SUCO: variants seen among roughly 807,000 people sequenced by gnomAD.
SUCO encodes the protein SUN domain containing ossification factor, also known as SUN domain-containing ossification factor.
A neutral mutation model predicts 148.1 loss-of-function variants in SUCO; 57 were observed. The ratio of observed to expected loss-of-function variants is 0.38; its 90% confidence interval spans 0.31 to 0.48. The LOEUF (loss-of-function observed/expected upper bound fraction) is 0.48, where lower values mean the gene tolerates loss of function less well. Among genes scored for constraint, SUCO ranks in the 20% least tolerant of loss-of-function variants. The probability of loss-of-function intolerance (pLI) is 0.96; values close to 1 mark genes in which losing one functional copy is unlikely to be tolerated. For missense variants in SUCO, 1,331 were observed against 1,468.2 expected, an observed-to-expected ratio of 0.91 and a Z score of 1.53; for synonymous variants, 470 against 502.7, an observed-to-expected ratio of 0.93 and a Z score of 0.87.
Position 172,578,354 on chromosome 1 carries a change from A to T in SUCO, c.1397A>T (p.His466Leu). ...EYEEIADSQY[H>L]SERQELFDED... The stretch of plus-strand genomic sequence containing the variant: ...GAAGAAATTGCTGATTCCCAGTATC[A>T]CTCAGAACGCCAGGAACTATTTGAT... Residue 466 changes from histidine (H) to leucine (L), a missense_variant, in exon 14 of 24, where the codon CAC (histidine) becomes CTC (leucine). His to Leu is a moderately conservative substitution (Grantham distance 99, BLOSUM62 -3). This residue lies in a region of SUCO where 992 missense variants were observed against 1,093.5 expected (regional missense o/e 0.91). Coordinates refer to ENST00000263688, the MANE Select transcript of SUCO (RefSeq NM_014283.5). 1 of 1,612,722 alleles carries T rather than the reference A, an allele frequency of 6.2e-7. No homozygotes were observed. Among genetic ancestry groups the T allele is most frequent in the Non-Finnish European group, 8.5e-7 (1 of 1,178,880 alleles).
intron 14 of SUCO, 36 bp from the exon 15 acceptor site, chr1:172,579,166 T>C: frequency 8.3e-7 from 1 of 1,200,336 alleles, no homozygotes. Context: ...TGGAGCTAGA[T>C]CTCAGCATAA....
chr1:172,555,891 G>C lies in SUCO; in HGVS notation c.311G>C (p.Ser104Thr). 1 of 1,610,972 alleles carries C rather than the reference G, an allele frequency of 6.2e-7. No homozygotes were observed. Among genetic ancestry groups the C allele is most frequent in the Non-Finnish European group, 8.5e-7 (1 of 1,178,030 alleles). ...DVQNTESKKLSPPVVETLPTV... is the reference protein window; with the variant it reads ...DVQNTESKKLTPPVVETLPTV... ...CAGAATACAGAGTCAAAAAAGTTAA[G>C]TCCACCGGTGGTGGAGACACTCCCT... The change falls in exon 4 of 24, where the codon AGT becomes ACT. Residue 104 changes from serine (S) to threonine (T), a missense_variant. Ser to Thr is a moderately conservative substitution (Grantham distance 58, BLOSUM62 1). Transcript: ENST00000263688.
At chr1:172,578,522 C>A in intron 14 of SUCO, 133 bp downstream of exon 14, 1 of 1,375,102 alleles carries the variant, frequency 7.3e-7, no homozygotes, top group Non-Finnish European at 9.4e-7. Flanking sequence ...TTGTTTTTAA[C>A]TCTAATCAAC....
At chr1:172,556,466 T>G (rs1404200113) in intron 4 of SUCO, 10 of 279,182 alleles carry the variant, frequency 3.6e-5, no homozygotes, top group East Asian at 3.5e-4. Context: ...GTGTTTAGGT[T>G]TAAGTGATCC....
At chr1:172,532,603 A>G (rs1399707519), upstream of SUCO, 2 of 1,613,866 alleles carry the variant, frequency 1.2e-6, no homozygotes, top group Non-Finnish European at 1.7e-6. Context: ...AGGCCATTCC[A>G]CGAACTGTGC....
At chr1:172,574,797 G>A in intron 10 of SUCO, 2 of 630,156 alleles carry the variant, frequency 3.2e-6, no homozygotes, top group African/African-American at 4.0e-5. Context: ...GTTTTCCTTG[G>A]TGTTTCTTCC....
chr1:172,552,767 A>C (rs1196172996), intron 2 of SUCO: 4 of 329,934 alleles, frequency 1.2e-5, no homozygotes, highest in Non-Finnish European at 1.7e-5. Context: ...TAAGCAAAGC[A>C]TTAAGGGGGA....
intron 6 of SUCO, among the ~76,000 whole-genome samples, chr1:172,568,060 T>G (rs1654687337): frequency 6.6e-6 from 1 of 152,202 alleles, no homozygotes; most frequent in Admixed American, 6.5e-5. Flanking sequence ...ACTGCACATG[T>G]GAGGGATCTA....
intron 1 of SUCO, among the ~76,000 whole-genome samples, chr1:172,539,815 AT>A (rs1240667370): frequency 1.3e-5 from 2 of 152,196 alleles, no homozygotes; most frequent in Non-Finnish European, 2.9e-5. Context: ...GAATTTATAA[AT>A]CCACTTAAAT....
Position 172,588,750 on chromosome 1 carries a change from G to T in SUCO, c.1659-10G>T. The T allele has an allele frequency of 2.8e-6, 4 of 1,418,260 alleles. No individual in the cohort carries two copies. The highest frequency in any genetic ancestry group is 3.7e-6 in the Non-Finnish European group (4 of 1,078,008). 87.9% of individuals were successfully genotyped at this position (1,418,260 alleles called of 1,614,324 possible). ...TAAGTGATTTATAATTATGATATAT[G>T]TATTTCTAGGTATGTAACCACTGAA... On this transcript the variant is annotated splice_polypyrimidine_tract_variant and intron_variant, in intron 17 of 23. Coordinates refer to ENST00000263688, the MANE Select transcript of SUCO (RefSeq NM_014283.5).
rs777305110 is a variant in SUCO, at chr1:172,609,802, T to A, written c.3322-14T>A. On this transcript the variant is annotated splice_polypyrimidine_tract_variant and intron_variant, in intron 23 of 23. Transcript: ENST00000263688. ...GAAGTATCATTACTAACTTTTCTTT[T>A]ACTTGTGTTGTAGAAGAAGCGCTGC... 11 of 1,580,226 alleles carry A rather than the reference T, an allele frequency of 7.0e-6. No individual in the cohort carries two copies. The Admixed American group carries it at 2.1e-4, about 31-fold the overall frequency.
At chr1:172,593,184 T>C (rs1278806830) in intron 19 of SUCO, among the ~76,000 whole-genome samples, 1 of 152,230 alleles carries the variant, frequency 6.6e-6, no homozygotes, top group Admixed American at 6.5e-5. Context: ...GCTGAGATGA[T>C]GGGGTTTTCT....
In SUCO at chr1:172,607,251, G is replaced by A. The variant is rs1657919410; in HGVS notation, c.3266-1496G>A. Among the ~76,000 whole-genome samples the A allele has an allele frequency of 2.0e-5, 3 of 151,808 alleles. No homozygotes were observed. The South Asian group carries it at 6.2e-4, about 31-fold the overall frequency. On this transcript the variant is annotated intron_variant, in intron 22 of 23. Coordinates refer to ENST00000263688, the MANE Select transcript of SUCO (RefSeq NM_014283.5). ...AAGTTATTTGTAGGGATAATTTGAGGCCTAGAATATAGGTTCTTATTTGAG... is the reference window on the plus strand; with the variant it reads ...AAGTTATTTGTAGGGATAATTTGAGACCTAGAATATAGGTTCTTATTTGAG...
At chr1:172,545,340 T>TAAACTAA (rs1254170534) in intron 1 of SUCO, among the ~76,000 whole-genome samples, 2 of 152,188 alleles carry the variant, frequency 1.3e-5, no homozygotes, top group African/African-American at 4.8e-5. Flanking sequence ...AAAGTTTCAG[T>TAAACTAA]AGCTGTCAAC....
intron 6 of SUCO, among the ~76,000 whole-genome samples, chr1:172,559,521 C>T (rs1216483979): frequency 6.6e-6 from 1 of 152,150 alleles, no homozygotes; most frequent in Non-Finnish European, 1.5e-5. Context: ...TATTAAACAG[C>T]GACTTTAATT....
chr1:172,537,279 G>A (rs1351291011), intron 1 of SUCO, among the ~76,000 whole-genome samples: 1 of 151,942 alleles, frequency 6.6e-6, no homozygotes, highest in Non-Finnish European at 1.5e-5. Context: ...TAAGAAAAAT[G>A]AGAAAAAAAT....
rs1654486840 is a variant in SUCO at position 172,565,499 on chromosome 1, GCAGTCTATAA to G, written c.733-3519_733-3510del. Among the ~76,000 whole-genome samples the G allele has an allele frequency of 3.3e-5, 5 of 152,202 alleles. No homozygotes were observed. In the South Asian group the frequency reaches 1.0e-3, roughly 31 times the overall value. On this transcript the variant is annotated intron_variant, in intron 6 of 23. Coordinates refer to ENST00000263688, the MANE Select transcript of SUCO (RefSeq NM_014283.5). ...CCAAAAACCCCAGCGCATCTTGGGT[GCAGTCTATAA>G]TACCAATGCTGTAAACCCAGAGTGC... is the stretch of plus-strand genomic sequence containing the variant.
intron 19 of SUCO, among the ~76,000 whole-genome samples, chr1:172,592,823 G>A (rs1160440475): frequency 6.6e-6 from 1 of 152,214 alleles, no homozygotes; most frequent in Non-Finnish European, 1.5e-5. Flanking sequence ...GAAAGTCATT[G>A]GTGGCTTGAT....
At chr1:172,585,804 TC>T in intron 16 of SUCO, 53 bp from the exon 17 acceptor site, 3 of 1,237,416 alleles carry the variant, frequency 2.4e-6, no homozygotes, top group Non-Finnish European at 3.4e-6. Flanking sequence ...TAAAATATTT[TC>T]ATGGTACAGC....
Sources: gnomAD v4.1 joint callset for allele counts (sites outside exome capture counted in the v4.1 genomes callset) on GRCh38, gnomAD v4.1.1 for gene constraint, gnomAD v4.1.1 regional missense constraint, MANE v1.5 for transcripts, NCBI Gene and HGNC (gene_info 2026-07-23, HGNC 2026-07-21) for gene names.